The following ZNF83 variants were observed in gnomAD, a reference collection of about 807,000 sequenced individuals.
ZNF83 encodes zinc finger protein 816B.
For missense variants in ZNF83, 552 were observed against 629.9 expected, an observed-to-expected ratio of 0.88 and a Z score of 1.32; for synonymous variants, 209 against 213.0, an observed-to-expected ratio of 0.98 and a Z score of 0.17.
At chr19:52,621,573 G>A (rs1451621927) in intron 2 of ZNF83, among the ~76,000 whole-genome samples, 1 of 151,670 alleles carries the variant, frequency 6.6e-6, no homozygotes, top group East Asian at 1.9e-4. Context: ...TCCTCTTTGT[G>A]GCAAGTACCA....
At chr19:52,619,911 A>T (rs952993212) in intron 2 of ZNF83, among the ~76,000 whole-genome samples, 1 of 152,178 alleles carries the variant, frequency 6.6e-6, no homozygotes, top group East Asian at 1.9e-4. Flanking sequence ...TTAGCTGGGC[A>T]TGGTGGCAGG....
At chr19:52,652,837 T>C in intron 3 of ZNF83, 3 of 949,376 alleles carry the variant, frequency 3.2e-6, no homozygotes, top group Non-Finnish European at 1.7e-6. Context: ...ATGAAGTCTA[T>C]GATGGCATAC....
upstream of ZNF83, among the ~76,000 whole-genome samples, chr19:52,639,265 TAGTAG>T (rs1040213261): frequency 4.6e-5 from 7 of 152,000 alleles, no homozygotes; most frequent in Admixed American, 3.3e-4. Flanking sequence ...TTTGTATTTT[TAGTAG>T]AGATGGGATT....
chr19:52,671,940 G>T (rs1016490107), intron 1 of ZNF83, among the ~76,000 whole-genome samples: 1 of 152,094 alleles, frequency 6.6e-6, no homozygotes, highest in South Asian at 2.1e-4. Flanking sequence ...ATATAACTAA[G>T]TTATAAAATT....
intron 2 of ZNF83, among the ~76,000 whole-genome samples, chr19:52,632,620 G>A (rs533024742): frequency 5.4e-4 from 82 of 151,290 alleles, no homozygotes; most frequent in Non-Finnish European, 7.9e-4. Context: ...TCCACAAACC[G>A]CCACTCTTAA....
upstream of ZNF83, among the ~76,000 whole-genome samples, chr19:52,641,235 A>G (rs1005819809): frequency 1.3e-5 from 2 of 152,120 alleles, no homozygotes; most frequent in African/African-American, 4.8e-5. Flanking sequence ...TTATACACTC[A>G]TGGTCCACAG....
At chr19:52,676,491 G>C (rs933144895) in intron 1 of ZNF83, among the ~76,000 whole-genome samples, 1 of 151,342 alleles carries the variant, frequency 6.6e-6, no homozygotes, top group Admixed American at 6.6e-5. Flanking sequence ...CTCCCCGTCC[G>C]GGAGGGAGGT....
chr19:52,647,483 T>C (rs2061387225), intron 3 of ZNF83, among the ~76,000 whole-genome samples: 1 of 152,090 alleles, frequency 6.6e-6, no homozygotes. Context: ...GGTCTCACTA[T>C]GTTACCCACA....
chr19:52,658,087 G>T (rs1054334098), intron 2 of ZNF83, among the ~76,000 whole-genome samples: 1 of 147,658 alleles, frequency 6.8e-6, no homozygotes, highest in Non-Finnish European at 1.5e-5. Context: ...AATGAGCCAA[G>T]TTCATGCCAT....
chr19:52,674,523 G>T (rs1163875785), intron 1 of ZNF83, among the ~76,000 whole-genome samples: 2 of 152,120 alleles, frequency 1.3e-5, no homozygotes, highest in African/African-American at 2.4e-5. Context: ...TGTGTAGAAA[G>T]TCACAAAGAC....
At chr19:52,655,483 C>G in intron 3 of ZNF83, 1 of 1,313,350 alleles carries the variant, frequency 7.6e-7, no homozygotes, top group Non-Finnish European at 1.1e-6. Context: ...GGCAAAATCA[C>G]AAAAGAGAAT....
chr19:52,626,071 T>G (rs551918564), intron 2 of ZNF83, among the ~76,000 whole-genome samples: 28 of 152,298 alleles, frequency 1.8e-4, no homozygotes, highest in Admixed American at 5.9e-4. Context: ...AATTTGCAAA[T>G]GGGACTGAAC....
rs1188342547 is a variant in ZNF83, at chr19:52,666,148, A to G, written c.-282-5305T>C. Among the ~76,000 whole-genome samples, 3 of 137,806 alleles carry G rather than the reference A, an allele frequency of 2.2e-5. No individual in the cohort carries two copies. The East Asian group carries it at 6.4e-4, about 29-fold the overall frequency. 90.4% of individuals were successfully genotyped at this position (137,806 alleles called of 152,430 possible). The stretch of plus-strand genomic sequence containing the variant: ...CACTGCACTCCAGCCTGGGCAACAG[A>G]GCAAGACTCCATCTCAAAAAAAAAA... On this transcript the variant is annotated intron_variant, in intron 1 of 5. Transcript: ENST00000594682.
At chr19:52,656,738 C>T (rs1274579778) in intron 2 of ZNF83, among the ~76,000 whole-genome samples, 2 of 151,710 alleles carry the variant, frequency 1.3e-5, no homozygotes, top group Admixed American at 6.6e-5. Context: ...TGGTGGTGTG[C>T]GCCTGTAGCC....
At chr19:52,620,292 GTATA>G (rs144417101) in intron 2 of ZNF83, among the ~76,000 whole-genome samples, 74 of 149,280 alleles carry the variant, frequency 5.0e-4, no homozygotes, top group East Asian at 3.9e-3. Flanking sequence ...GTGTGTGTGT[GTATA>G]TATAGTTTCC....
Position 52,653,136 on chromosome 19 carries a change from A to G in ZNF83, c.-74+2425T>C. On this transcript the variant is annotated intron_variant, in intron 3 of 5. Transcript: ENST00000594682. ...TTCGAGCAAAGGTCTTGCCACACTC[A>G]TGACAGTTGTAAGGTTTTTCTCCGG... The G allele has an allele frequency of 2.0e-6, 3 of 1,470,390 alleles. 1 individual carries two copies. Among genetic ancestry groups the G allele is most frequent in the South Asian group, 2.3e-5 (2 of 88,310 alleles). The allele number at this position is 1,470,390 out of a possible 1,614,324, so 91.1% of individuals were successfully genotyped here.
intron 2 of ZNF83, among the ~76,000 whole-genome samples, chr19:52,624,560 G>A (rs1017483566): frequency 2.0e-5 from 3 of 152,112 alleles, no homozygotes; most frequent in African/African-American, 7.2e-5. Context: ...TCGTCTTTCC[G>A]TTCCTTGAAG....
chr19:52,665,937 A>G (rs1325922827), intron 1 of ZNF83, among the ~76,000 whole-genome samples: 1 of 151,950 alleles, frequency 6.6e-6, no homozygotes, highest in Non-Finnish European at 1.5e-5. Flanking sequence ...GAGGTGGGCA[A>G]ATCACGAGGT....
intron 2 of ZNF83, among the ~76,000 whole-genome samples, chr19:52,659,472 C>T (rs1050613904): frequency 1.3e-5 from 2 of 152,100 alleles, no homozygotes; most frequent in Admixed American, 1.3e-4. Context: ...GTCGGAAACA[C>T]AGCAGAACTA....
Sources: allele counts gnomAD v4.1 joint callset (sites outside exome capture counted in the v4.1 genomes callset), GRCh38; gene constraint gnomAD v4.1.1; transcripts MANE v1.5; gene names NCBI Gene and HGNC (gene_info 2026-07-23, HGNC 2026-07-21).